Variants in PCDH7 observed in about 807,000 individuals in gnomAD.
The protein encoded by PCDH7 is protocadherin 7.
A neutral mutation model predicts 58.9 loss-of-function variants in PCDH7; 17 were observed. That is an observed-to-expected ratio of 0.29 (90% CI 0.20 to 0.43). The LOEUF (loss-of-function observed/expected upper bound fraction) is 0.43. Ranked by LOEUF, PCDH7 falls within the 20% of genes least tolerant of loss-of-function variation. PCDH7 has a pLI of 1.00. For synonymous variants in PCDH7, 664 were observed against 616.4 expected (o/e 1.08, Z -1.14); for missense variants, 1,274 against 1,441.0 (o/e 0.88, Z 1.88).
chr4:30,923,610 T>C (rs889376572), intron 2 of PCDH7, among the ~76,000 whole-genome samples: 4 of 152,148 alleles, frequency 2.6e-5, no homozygotes, highest in African/African-American at 9.6e-5. Flanking sequence ...TAATGTAGAA[T>C]GAGATCCACC....
At chr4:30,965,251 T>G (rs1344005074) in intron 3 of PCDH7, among the ~76,000 whole-genome samples, 3 of 152,158 alleles carry the variant, frequency 2.0e-5, no homozygotes, top group Non-Finnish European at 2.9e-5. Context: ...AATTTATGTT[T>G]ACATCCTGAC....
chr4:30,881,118 C>T (rs186372441), intron 1 of PCDH7, among the ~76,000 whole-genome samples: 1 of 152,250 alleles, frequency 6.6e-6, no homozygotes, highest in East Asian at 1.9e-4. Flanking sequence ...AACATCTCCT[C>T]AGTCTTGACC....
chr4:30,904,453 T>C (rs1425073482), intron 1 of PCDH7, among the ~76,000 whole-genome samples: 1 of 152,190 alleles, frequency 6.6e-6, no homozygotes, highest in African/African-American at 2.4e-5. Context: ...TTTGTGATTA[T>C]AATGGGCCCA....
chr4:30,959,893 A>G (rs1748217903), intron 3 of PCDH7, among the ~76,000 whole-genome samples: 1 of 152,068 alleles, frequency 6.6e-6, no homozygotes, highest in Non-Finnish European at 1.5e-5. Flanking sequence ...GAAAGAGGAT[A>G]TATACTTAAT....
chr4:31,084,770 A>AGGAGGG (rs1712147067), intron 3 of PCDH7, among the ~76,000 whole-genome samples: 2 of 29,416 alleles, frequency 6.8e-5, no homozygotes, highest in Non-Finnish European at 1.2e-4. Context: ...GGAGATGGGG[A>AGGAGGG]GGAGGGGGAG....
chr4:31,075,690 T>A (rs2109259656), intron 3 of PCDH7, among the ~76,000 whole-genome samples: 1 of 152,320 alleles, frequency 6.6e-6, no homozygotes, highest in African/African-American at 2.4e-5. Context: ...AGTGTCTGAC[T>A]ATCTGATATG....
intron 3 of PCDH7, among the ~76,000 whole-genome samples, chr4:30,950,463 C>T (rs1027899446): frequency 6.6e-6 from 1 of 152,144 alleles, no homozygotes; most frequent in Non-Finnish European, 1.5e-5. Flanking sequence ...AGTTGCTATG[C>T]AGTTTCCTCA....
intron 1 of PCDH7, among the ~76,000 whole-genome samples, chr4:30,838,100 C>T (rs1312626616): frequency 1.3e-5 from 2 of 151,802 alleles, no homozygotes; most frequent in African/African-American, 2.4e-5. Context: ...TGCCTGGGTG[C>T]TCCATATGGC....
intron 1 of PCDH7, among the ~76,000 whole-genome samples, chr4:30,848,772 G>A (rs1006973250): frequency 1.3e-5 from 2 of 151,974 alleles, no homozygotes; most frequent in Non-Finnish European, 1.5e-5. Flanking sequence ...ATTGATTTTA[G>A]GATGTTTCAT....
chr4:30,726,096 G>A (rs1457202450), intron 1 of PCDH7, among the ~76,000 whole-genome samples: 1 of 151,996 alleles, frequency 6.6e-6, no homozygotes, highest in African/African-American at 2.4e-5. Flanking sequence ...GTTTATATCT[G>A]TTGTATTATT....
chr4:31,082,916 G>A (rs1009773283), intron 3 of PCDH7, among the ~76,000 whole-genome samples: 7 of 152,104 alleles, frequency 4.6e-5, no homozygotes, highest in Non-Finnish European at 8.8e-5. Context: ...AGACCATCCT[G>A]GCTAACATGG....
At chr4:30,735,236 T>C (rs550987798), downstream of PCDH7, among the ~76,000 whole-genome samples, 1 of 152,270 alleles carries the variant, frequency 6.6e-6, no homozygotes, top group Admixed American at 6.5e-5. Flanking sequence ...CCCACAAACC[T>C]CTGTTTTCGT....
At chr4:30,830,961 C>G (rs766222234) in intron 1 of PCDH7, among the ~76,000 whole-genome samples, 1 of 152,116 alleles carries the variant, frequency 6.6e-6, no homozygotes. Context: ...TTGGACTTCT[C>G]TCTATTTGAT....
At position 30,721,073 on chromosome 4, in the gene PCDH7, C is replaced by T. The variant is rs1713421351; in HGVS notation, c.-350C>T. On this transcript the variant is annotated 5_prime_UTR_variant, in exon 1 of 2. Coordinates refer to ENST00000361762, the Ensembl canonical transcript of PCDH7. This position sits in a 1 kb window ranked among gnomAD's most constrained non-coding sequence, Gnocchi z 6.7. The stretch of plus-strand genomic sequence containing the variant: ...GATTCTCCGCCCGCTGAGGGGATGA[C>T]TCTGGGTTGGGGGAGCGCCGAACCC... 3.8e-6 allele frequency: 1 copy of T among 266,252 alleles called. No homozygotes were observed. 16.5% of individuals were successfully genotyped at this position (266,252 alleles called of 1,614,324 possible).
intron 3 of PCDH7, among the ~76,000 whole-genome samples, chr4:31,001,511 G>C (rs1257865512): frequency 2.0e-5 from 3 of 151,980 alleles, no homozygotes; most frequent in African/African-American, 4.8e-5. Flanking sequence ...TCTATATACA[G>C]CTACACATCT....
intron 3 of PCDH7, among the ~76,000 whole-genome samples, chr4:31,116,937 G>A (rs1460509430): frequency 6.6e-6 from 1 of 152,186 alleles, no homozygotes; most frequent in Non-Finnish European, 1.5e-5. Context: ...CTGGGTTCAA[G>A]TGATTCTCCC....
intron 3 of PCDH7, among the ~76,000 whole-genome samples, chr4:31,108,598 T>C (rs1715896857): frequency 6.6e-6 from 1 of 152,148 alleles, no homozygotes; most frequent in Non-Finnish European, 1.5e-5. Flanking sequence ...ATCTCACAGC[T>C]GGAAAAGTAA....
At chr4:30,946,259 G>A (rs1746661621) in intron 2 of PCDH7, among the ~76,000 whole-genome samples, 2 of 152,114 alleles carry the variant, frequency 1.3e-5, no homozygotes, top group African/African-American at 4.8e-5. Flanking sequence ...GACACACCAG[G>A]TTTTGACAAA....
intron 3 of PCDH7, among the ~76,000 whole-genome samples, chr4:31,025,421 A>G (rs995580920): frequency 9.2e-5 from 14 of 152,160 alleles, no homozygotes; most frequent in African/African-American, 3.4e-4. Flanking sequence ...GAGTGGAAGT[A>G]TTTGGAGGAT....
Sources: gnomAD v4.1 joint callset for allele counts (sites outside exome capture counted in the v4.1 genomes callset) on GRCh38, gnomAD v4.1.1 for gene constraint, Gnocchi (gnomAD v3.1) non-coding constraint, MANE v1.5 for transcripts, NCBI Gene and HGNC (gene_info 2026-07-23, HGNC 2026-07-21) for gene names.